The following POLR3A variants were observed in gnomAD, a reference collection of about 807,000 sequenced individuals.
POLR3A encodes the protein RNA polymerase III subunit A, also known as DNA-directed RNA polymerase III subunit RPC1.
A neutral mutation model predicts 152.8 loss-of-function variants in POLR3A; 112 were observed. That is an observed-to-expected ratio of 0.73 (90% CI 0.63 to 0.86). The LOEUF (loss-of-function observed/expected upper bound fraction) is 0.86. Among genes scored for constraint, POLR3A ranks in the 40% least tolerant of loss-of-function variants. The pLI is 0.00. For synonymous variants in POLR3A, 615 were observed against 652.1 expected (o/e 0.94, Z 0.87); for missense variants, 1,385 against 1,743.1 (o/e 0.79, Z 3.66).
At position 77,983,335 on chromosome 10, in the gene POLR3A, G is replaced by A. The variant is rs141350417; in HGVS notation, c.3430-518C>T. On this transcript the variant is annotated intron_variant, in intron 26 of 30. Coordinates refer to ENST00000372371, the MANE Select transcript of POLR3A (RefSeq NM_007055.4). ...TATGGGTAACATATGAACTTGATGCGTGAGAGAACGAGCTGACAGAATGTG... is the reference window on the plus strand; with the variant it reads ...TATGGGTAACATATGAACTTGATGCATGAGAGAACGAGCTGACAGAATGTG... Among the ~76,000 whole-genome samples, 25 of 152,346 alleles carry A rather than the reference G, an allele frequency of 1.6e-4. No individual in the cohort carries two copies. The East Asian group carries it at 2.7e-3, about 16-fold the overall frequency.
intron 10 of POLR3A, among the ~76,000 whole-genome samples, chr10:78,016,740 C>CA (rs1847528036): frequency 6.7e-6 from 1 of 149,864 alleles, no homozygotes; most frequent in Non-Finnish European, 1.5e-5. Context: ...AGCTGGCCAT[C>CA]ATGGCACATG....
In POLR3A at chr10:77,982,927, C is replaced by T. The variant is rs140594830; in HGVS notation, c.3430-110G>A. ...AGTCAGGTTTGTTCTAAGCACCCCC[C>T]ACCCGCACCATGAAATTAATACCAT... On this transcript the variant is annotated intron_variant, in intron 26 of 30. Coordinates refer to ENST00000372371, the MANE Select transcript of POLR3A (RefSeq NM_007055.4). The T allele has an allele frequency of 2.1e-4, 179 of 851,774 alleles. No homozygotes were observed. The African/African-American group carries it at 2.3e-3, about 11-fold the overall frequency. 52.8% of individuals were successfully genotyped at this position (851,774 alleles called of 1,614,324 possible).
intron 26 of POLR3A, 31 bp from the exon 27 acceptor site, chr10:77,982,848 A>G: frequency 1.2e-6 from 2 of 1,608,354 alleles, no homozygotes; most frequent in Non-Finnish European, 1.7e-6. Flanking sequence ...GGTGTTACTG[A>G]TTCCAGTGTT....
At chr10:78,026,294 C>T (rs1847634214) in intron 1 of POLR3A, 65 bp from the exon 2 acceptor site, 4 of 1,544,276 alleles carry the variant, frequency 2.6e-6, no homozygotes, top group Admixed American at 1.7e-5. Flanking sequence ...CTATTACATA[C>T]ATAGCCCACC....
chr10:77,986,067 T>TA lies in POLR3A; in HGVS notation c.2988+5dup, dbSNP rs1420794199. On this transcript the variant is annotated splice_donor_region_variant and intron_variant, in intron 22 of 30. Coordinates refer to ENST00000372371, the MANE Select transcript of POLR3A (RefSeq NM_007055.4). ...GGGGTTCTAACGCGTCTTGGAGGGA[T>TA]ATTACCTCTGTTGTGCCGTTATCAT... 6.3e-7 allele frequency: 1 copy of TA among 1,586,356 alleles called. No individual in the cohort carries two copies. The highest frequency in any genetic ancestry group is 8.7e-7 in the Non-Finnish European group (1 of 1,154,678).
chr10:78,026,877 A>G (rs1564624400), intron 1 of POLR3A, among the ~76,000 whole-genome samples: 3 of 152,116 alleles, frequency 2.0e-5, no homozygotes, highest in African/African-American at 2.4e-5. Context: ...AACCCCACAC[A>G]TTGAAAACAG....
intron 2 of POLR3A, 96 bp downstream of exon 2, chr10:78,025,998 A>G: frequency 6.8e-7 from 1 of 1,463,372 alleles, no homozygotes; most frequent in East Asian, 2.3e-5. Context: ...GGAATTGAGG[A>G]GATGGAAGGA....
At chr10:77,993,456 G>A in intron 19 of POLR3A, 89 bp from the exon 20 acceptor site, 1 of 951,458 alleles carries the variant, frequency 1.1e-6, no homozygotes, top group Non-Finnish European at 1.7e-6. Flanking sequence ...GAGTCTCAAG[G>A]TTACAAGCAC....
At chr10:78,022,569 T>C (rs1427266640) in intron 5 of POLR3A, among the ~76,000 whole-genome samples, 185 bp from the exon 6 acceptor site, 2 of 152,236 alleles carry the variant, frequency 1.3e-5, no homozygotes, top group Non-Finnish European at 2.9e-5. Flanking sequence ...ATTCCAATTT[T>C]TCAAGCCAAA....
At chr10:78,014,143 C>T (rs148362130) in intron 10 of POLR3A, among the ~76,000 whole-genome samples, 1,504 of 148,534 alleles carry the variant, frequency 0.01, 32 homozygotes, top group African/African-American at 0.036. Context: ...GGTGATAGAG[C>T]GAGACTCCAT....
chr10:78,014,748 C>G (rs1012491998), intron 10 of POLR3A, among the ~76,000 whole-genome samples: 15 of 152,088 alleles, frequency 9.9e-5, no homozygotes, highest in African/African-American at 3.6e-4. Context: ...CACACGAACA[C>G]AGGAGAGCAC....
chr10:78,023,157 TA>T (rs879560488), intron 5 of POLR3A, among the ~76,000 whole-genome samples: 337 of 132,164 alleles, frequency 2.5e-3, no homozygotes, highest in Middle Eastern at 4.6e-3. Context: ...AAATTCCATC[TA>T]AAAAAAAAAA....
At chr10:78,016,589 C>CTGTA (rs1294185598) in intron 10 of POLR3A, among the ~76,000 whole-genome samples, 1 of 151,870 alleles carries the variant, frequency 6.6e-6, no homozygotes, top group East Asian at 1.9e-4. Context: ...TGGCATGCAC[C>CTGTA]TGTAACTCCA....
At chr10:77,993,803 G>C (rs977867247) in intron 19 of POLR3A, among the ~76,000 whole-genome samples, 3 of 152,168 alleles carry the variant, frequency 2.0e-5, no homozygotes, top group African/African-American at 2.4e-5. Flanking sequence ...CCTCTTCTGG[G>C]ACAGAGGGGG....
intron 8 of POLR3A, 85 bp downstream of exon 8, chr10:78,021,461 C>CTACT: frequency 7.1e-7 from 1 of 1,410,218 alleles, no homozygotes; most frequent in South Asian, 1.2e-5. Flanking sequence ...TGGGGACTTT[C>CTACT]TACTGCCTGT....
chr10:78,000,243 T>C (rs2241551), intron 18 of POLR3A, 125 bp from the exon 19 acceptor site: 1 of 805,604 alleles, frequency 1.2e-6, no homozygotes, highest in African/African-American at 1.7e-5. Context: ...ATATTCTCAC[T>C]AAATGGCAGG....
intron 19 of POLR3A, among the ~76,000 whole-genome samples, chr10:77,995,151 C>A (rs1419039645): frequency 1.3e-5 from 2 of 152,114 alleles, no homozygotes; most frequent in African/African-American, 4.8e-5. Flanking sequence ...TAAAAGAGCT[C>A]CTGAAGGAAG....
chr10:77,989,516 T>A (rs1049030131), intron 21 of POLR3A, among the ~76,000 whole-genome samples: 1 of 152,182 alleles, frequency 6.6e-6, no homozygotes, highest in Non-Finnish European at 1.5e-5. Context: ...CTGTGTGACA[T>A]ATGGTGAGGG....
intron 26 of POLR3A, among the ~76,000 whole-genome samples, chr10:77,983,340 A>C (rs1045683865): frequency 6.6e-6 from 1 of 152,244 alleles, no homozygotes; most frequent in African/African-American, 2.4e-5. Context: ...GATGCGTGAG[A>C]GAACGAGCTG....
Sources: allele counts gnomAD v4.1 joint callset (sites outside exome capture counted in the v4.1 genomes callset), GRCh38; gene constraint gnomAD v4.1.1; transcripts MANE v1.5; gene names NCBI Gene and HGNC (gene_info 2026-07-23, HGNC 2026-07-21).